The following PRR11 variants were observed in gnomAD, a reference collection of about 807,000 sequenced individuals.
PRR11 encodes proline rich 11.
PRR11 carries 30 observed loss-of-function variants against 45.6 expected under a neutral mutation model. That is an observed-to-expected ratio of 0.66 (90% CI 0.49 to 0.89). The LOEUF is 0.89. Ranked by LOEUF, PRR11 falls within the 40% of genes least tolerant of loss-of-function variation. The pLI, the probability that PRR11 is intolerant of heterozygous loss-of-function variation, is 0.00. For missense variants in PRR11, 373 were observed against 424.8 expected, an observed-to-expected ratio of 0.88 and a Z score of 1.07; for synonymous variants, 128 against 153.5, an observed-to-expected ratio of 0.83 and a Z score of 1.23.
chr17:59,165,732 C>T (rs894649147), intron 1 of PRR11, among the ~76,000 whole-genome samples: 1 of 151,894 alleles, frequency 6.6e-6, no homozygotes, highest in East Asian at 2.0e-4. Flanking sequence ...GCAGAGGTTG[C>T]GGTGAGCCGA....
chr17:59,163,121 C>T (rs1267971368), intron 1 of PRR11, among the ~76,000 whole-genome samples: 4 of 148,198 alleles, frequency 2.7e-5, no homozygotes, highest in Middle Eastern at 7.4e-3. Context: ...GATGGACTCT[C>T]GTTCTATTGC....
At chr17:59,164,878 C>CAA (rs1164045099) in intron 1 of PRR11, among the ~76,000 whole-genome samples, 1 of 130,200 alleles carries the variant, frequency 7.7e-6, no homozygotes. Context: ...GACCGTGTCT[C>CAA]AAAAAAAAAA....
chr17:59,183,980 T>TG (rs35237174), intron 2 of PRR11, among the ~76,000 whole-genome samples: 66,918 of 151,890 alleles, frequency 0.44, 16,805 homozygotes, highest in African/African-American at 0.7. Context: ...GGCTGGCACC[T>TG]TGTTCCAACT....
intron 1 of PRR11, among the ~76,000 whole-genome samples, chr17:59,157,098 C>T (rs1016190819): frequency 6.6e-6 from 1 of 152,158 alleles, no homozygotes; most frequent in Admixed American, 6.5e-5. Flanking sequence ...GAAGTAAAAA[C>T]CTCCCTAACC....
At position 59,194,619 on chromosome 17, in the gene PRR11, G is replaced by A. The variant is rs555581835; in HGVS notation, c.646-138G>A. On this transcript the variant is annotated intron_variant, in intron 5 of 9. Transcript: ENST00000262293. ...TAAAAATACGATTATTCTTGGTTGA[G>A]TAGAAAGAATATGACAGGTTCCTAG... The A allele has an allele frequency of 1.2e-3, 635 of 534,128 alleles. 1 individual carries two copies. The highest frequency in any genetic ancestry group is 1.8e-3 in the Non-Finnish European group (552 of 302,494). 33.1% of individuals were successfully genotyped at this position (534,128 alleles called of 1,614,324 possible).
chr17:59,176,810 C>T (rs879650606), intron 2 of PRR11, among the ~76,000 whole-genome samples: 2 of 147,168 alleles, frequency 1.4e-5, no homozygotes, highest in Non-Finnish European at 3.0e-5. Context: ...GGTTCTCTTG[C>T]CTGAGCCTCC....
chr17:59,203,374 A>G lies in PRR11; in HGVS notation c.*1743A>G, dbSNP rs1453814799. Reference sequence around the variant, plus strand: ...TGAGTAGCTGGGATTACAGGTGCGCACTGCCACGCCTGACTAATTTTTGTA... The same window carrying G: ...TGAGTAGCTGGGATTACAGGTGCGCGCTGCCACGCCTGACTAATTTTTGTA... On this transcript the variant is annotated 3_prime_UTR_variant, in exon 10 of 10. Coordinates refer to ENST00000262293, the MANE Select transcript of PRR11 (RefSeq NM_018304.4). The G allele has an allele frequency of 6.6e-6, 1 of 152,152 alleles. No homozygotes were observed. Among genetic ancestry groups the G allele is most frequent in the Non-Finnish European group, 1.5e-5 (1 of 68,106 alleles). 9.4% of individuals were successfully genotyped at this position (152,152 alleles called of 1,614,324 possible). A position where few individuals can be genotyped will look rare whatever the true frequency, so the allele number is the denominator to read the frequency against.
intron 5 of PRR11, among the ~76,000 whole-genome samples, chr17:59,194,074 A>G (rs1190373998): frequency 6.6e-6 from 1 of 152,182 alleles, no homozygotes; most frequent in Non-Finnish European, 1.5e-5. Flanking sequence ...CAGAACAAAG[A>G]GTTAGTGGAT....
intron 1 of PRR11, among the ~76,000 whole-genome samples, chr17:59,166,903 C>G (rs1016111038): frequency 6.6e-6 from 1 of 152,022 alleles, no homozygotes; most frequent in Non-Finnish European, 1.5e-5. Context: ...GTGGCTTATG[C>G]CTGTAATCCC....
At chr17:59,173,677 C>A (rs911392649) in intron 2 of PRR11, among the ~76,000 whole-genome samples, 1 of 152,160 alleles carries the variant, frequency 6.6e-6, no homozygotes, top group Admixed American at 6.5e-5. Flanking sequence ...TGTAACATGG[C>A]GAGGGTTGGC....
At chr17:59,167,854 A>G (rs1203885223) in intron 1 of PRR11, among the ~76,000 whole-genome samples, 3 of 152,220 alleles carry the variant, frequency 2.0e-5, no homozygotes, top group Non-Finnish European at 1.5e-5. Context: ...GGTTTTGGCC[A>G]CGTTCTTTAC....
rs183043579 is a variant in PRR11 at position 59,200,566 on chromosome 17, C to T, written c.1015-997C>T. ...GGAGTACAATGGCGCAATCTTGGCT[C>T]GCTGCAAGCTCTGCCTCCTGGGTTC... On this transcript the variant is annotated intron_variant, in intron 9 of 9. Coordinates refer to ENST00000262293, the MANE Select transcript of PRR11 (RefSeq NM_018304.4). Among the ~76,000 whole-genome samples the T allele has an allele frequency of 4.1e-4, 63 of 152,170 alleles. No homozygotes were observed. In the East Asian group the frequency reaches 5.4e-3, roughly 13 times the overall value.
At chr17:59,192,613 C>T (rs562669862) in intron 4 of PRR11, among the ~76,000 whole-genome samples, 1 of 152,282 alleles carries the variant, frequency 6.6e-6, no homozygotes, top group East Asian at 1.9e-4. Flanking sequence ...CGCTCTATGT[C>T]TTCACACAGT....
At chr17:59,178,161 C>A (rs568940943) in intron 2 of PRR11, among the ~76,000 whole-genome samples, 9 of 152,152 alleles carry the variant, frequency 5.9e-5, no homozygotes, top group Non-Finnish European at 7.4e-5. Context: ...TGGCAAAACC[C>A]CATCTCTACT....
chr17:59,172,826 CA>C (rs1274020943), intron 2 of PRR11, among the ~76,000 whole-genome samples: 1 of 152,250 alleles, frequency 6.6e-6, no homozygotes, highest in African/African-American at 2.4e-5. Flanking sequence ...GCCCCTGCAC[CA>C]CCTGAGTCTC....
At chr17:59,176,280 G>A (rs1568321382) in intron 2 of PRR11, among the ~76,000 whole-genome samples, 1 of 152,156 alleles carries the variant, frequency 6.6e-6, no homozygotes, top group Non-Finnish European at 1.5e-5. Flanking sequence ...GGTGGAATTT[G>A]CACTGTGGAC....
chr17:59,169,087 CAT>C (rs1200439038), intron 1 of PRR11, among the ~76,000 whole-genome samples: 1 of 144,104 alleles, frequency 6.9e-6, no homozygotes, highest in Non-Finnish European at 1.5e-5. Context: ...GGTAAAGAAA[CAT>C]ATTCTTTTTT....
intron 2 of PRR11, among the ~76,000 whole-genome samples, chr17:59,176,684 CTTTTTTTTTTTTTTTT>C (rs71367676): frequency 2.6e-4 from 10 of 39,000 alleles, no homozygotes; most frequent in Admixed American, 2.0e-3. Flanking sequence ...GTTTTTTTGG[CTTTTTTTTTTTTTTTT>C]TTTTTTTTTT....
intron 1 of PRR11, among the ~76,000 whole-genome samples, chr17:59,158,014 A>G (rs958972564): frequency 3.3e-5 from 5 of 152,232 alleles, no homozygotes; most frequent in African/African-American, 7.2e-5. Context: ...TTTGAAAGGC[A>G]TGCTAAGGAA....
Sources: allele counts gnomAD v4.1 joint callset (sites outside exome capture counted in the v4.1 genomes callset), GRCh38; gene constraint gnomAD v4.1.1; transcripts MANE v1.5; gene names NCBI Gene and HGNC (gene_info 2026-07-23, HGNC 2026-07-21).